Variants in TNIP3 observed in about 807,000 individuals in gnomAD.
TNIP3 encodes TNFAIP3 interacting protein 3.
A neutral mutation model predicts 54.1 loss-of-function variants in TNIP3; 34 were observed. The observed-to-expected ratio is 0.63, with a 90% CI of 0.48 to 0.84. The LOEUF is 0.84. Ranked by LOEUF, TNIP3 falls within the 40% of genes least tolerant of loss-of-function variation. The probability of loss-of-function intolerance (pLI) is 0.00; values close to 1 mark genes in which losing one functional copy is unlikely to be tolerated. For missense variants in TNIP3, 366 were observed against 387.6 expected (o/e 0.94, Z 0.47); for synonymous variants, 134 against 136.8 (o/e 0.98, Z 0.14).
chr4:121,193,097 G>A (rs1483093938), intron 2 of TNIP3, among the ~76,000 whole-genome samples: 4 of 152,040 alleles, frequency 2.6e-5, no homozygotes, highest in African/African-American at 7.2e-5. Context: ...AGAATGTTTC[G>A]TATCATCTCT....
chr4:121,201,787 C>T (rs1360531453), intron 2 of TNIP3, among the ~76,000 whole-genome samples: 2 of 152,196 alleles, frequency 1.3e-5, no homozygotes, highest in African/African-American at 4.8e-5. Context: ...TGTATCAGTA[C>T]ATGAGGATCA....
chr4:121,182,824 A>T, intron 2 of TNIP3: 2 of 1,533,458 alleles, frequency 1.3e-6, no homozygotes, highest in Non-Finnish European at 8.7e-7. Flanking sequence ...GGAAAGTTAC[A>T]TTATACAAAG....
At chr4:121,215,390 A>G (rs1236520932) in intron 2 of TNIP3, among the ~76,000 whole-genome samples, 1 of 152,208 alleles carries the variant, frequency 6.6e-6, no homozygotes. Flanking sequence ...TTTTGTCTTT[A>G]TAAACAGAAA....
At chr4:121,146,560 A>G (rs774039050) in intron 7 of TNIP3, among the ~76,000 whole-genome samples, 1 of 152,152 alleles carries the variant, frequency 6.6e-6, no homozygotes, top group Non-Finnish European at 1.5e-5. Flanking sequence ...ACTGGTGACC[A>G]TTATCTGGCT....
At chr4:121,225,165 G>T (rs1012237568) in intron 1 of TNIP3, among the ~76,000 whole-genome samples, 5 of 152,168 alleles carry the variant, frequency 3.3e-5, no homozygotes, top group Admixed American at 1.3e-4. Flanking sequence ...GGCAGAGAAT[G>T]ACTAATTTTT....
chr4:121,141,630 T>A (rs13138203), intron 9 of TNIP3, among the ~76,000 whole-genome samples, 186 bp downstream of exon 9: 37,203 of 152,096 alleles, frequency 0.24, 4,890 homozygotes, highest in African/African-American at 0.33. Context: ...TATCTATGTG[T>A]CCTATGGATT....
chr4:121,209,478 T>C lies in TNIP3; in HGVS notation c.68+6937A>G, dbSNP rs187632407. Among the ~76,000 whole-genome samples, 442 of 152,214 alleles carry C rather than the reference T, an allele frequency of 2.9e-3. 3 individuals are homozygous for C. The highest frequency in any genetic ancestry group is 0.01 in the African/African-American group (418 of 41,532). The stretch of plus-strand genomic sequence containing the variant: ...TGGACACATAGTTGGCATGGAGAGT[T>C]GTGGGAAAAAAACTACGCATTTGTG... On this transcript the variant is annotated intron_variant, in intron 2 of 12. Transcript: ENST00000507879.
chr4:121,152,110 T>C (rs2148807355), intron 5 of TNIP3, among the ~76,000 whole-genome samples: 1 of 152,300 alleles, frequency 6.6e-6, no homozygotes, highest in Non-Finnish European at 1.5e-5. Flanking sequence ...AGTATGTTAA[T>C]TACAAGGCTG....
chr4:121,159,191 C>T (rs764287993), intron 2 of TNIP3, among the ~76,000 whole-genome samples: 11 of 151,438 alleles, frequency 7.3e-5, no homozygotes, highest in Non-Finnish European at 1.2e-4. Context: ...TGCAGTGAGC[C>T]GAGATTGTGC....
intron 10 of TNIP3, among the ~76,000 whole-genome samples, chr4:121,134,771 A>C (rs187855082): frequency 6.6e-6 from 1 of 152,142 alleles, no homozygotes; most frequent in Non-Finnish European, 1.5e-5. Flanking sequence ...CCCTTCACTG[A>C]TGTCCCCATC....
chr4:121,168,342 G>T (rs180992694), upstream of TNIP3, among the ~76,000 whole-genome samples: 5 of 151,494 alleles, frequency 3.3e-5, no homozygotes, highest in East Asian at 9.9e-4. Context: ...AAGTAGCAGG[G>T]ATTACAGGCA....
intron 10 of TNIP3, among the ~76,000 whole-genome samples, chr4:121,134,219 C>T (rs1024705308): frequency 6.6e-6 from 1 of 152,106 alleles, no homozygotes; most frequent in Admixed American, 6.6e-5. Context: ...ATTAATAATC[C>T]ATCTCTGGCT....
At chr4:121,143,072 A>G (rs1729217656) in intron 7 of TNIP3, among the ~76,000 whole-genome samples, 2 of 152,262 alleles carry the variant, frequency 1.3e-5, no homozygotes. Context: ...TGACATTGGA[A>G]TTGTCAACCT....
At chr4:121,203,244 G>GATAGATAA (rs1332573522) in intron 2 of TNIP3, among the ~76,000 whole-genome samples, 2 of 151,826 alleles carry the variant, frequency 1.3e-5, no homozygotes, top group Non-Finnish European at 2.9e-5. Flanking sequence ...TAGATAGATA[G>GATAGATAA]ATAGATAGAT....
rs531771572 is a variant in TNIP3, at chr4:121,138,566, C to G, written c.946+58G>C. The G allele has an allele frequency of 7.3e-6, 11 of 1,506,726 alleles. No homozygotes were observed. The South Asian group carries it at 9.1e-5, about 12-fold the overall frequency. The allele number at this position is 1,506,726 out of a possible 1,614,324, so 93.3% of individuals were successfully genotyped here. A position where few individuals can be genotyped will look rare whatever the true frequency, so the allele number is the denominator to read the frequency against. On this transcript the variant is annotated intron_variant, in intron 10 of 10. Coordinates refer to ENST00000057513, the MANE Select transcript of TNIP3 (RefSeq NM_024873.6). Reference sequence around the variant, plus strand: ...TGAATGTATGTTGAGTAAACATCCCCAAAAGATCCCATTAAGATGTAAACA... The same window carrying G: ...TGAATGTATGTTGAGTAAACATCCCGAAAAGATCCCATTAAGATGTAAACA...
intron 1 of TNIP3, among the ~76,000 whole-genome samples, chr4:121,224,605 A>ATTG (rs1727182452): frequency 1.3e-5 from 2 of 151,986 alleles, no homozygotes; most frequent in African/African-American, 4.8e-5. Context: ...GTTTTCACCC[A>ATTG]TATTTAGGCA....
chr4:121,158,821 A>G (rs1024629816), intron 2 of TNIP3, 69 bp from the exon 3 acceptor site: 1 of 1,286,444 alleles, frequency 7.8e-7, no homozygotes, highest in African/African-American at 1.5e-5. Context: ...TCAAAAAGAA[A>G]TTACTTTCTG....
At chr4:121,216,669 A>G, upstream of TNIP3, 4 of 1,406,162 alleles carry the variant, frequency 2.8e-6, no homozygotes, top group South Asian at 4.6e-5. Context: ...AAGACAGACC[A>G]CAAGCCTGCC....
At chr4:121,216,689 G>A (rs1726808501), upstream of TNIP3, 1 of 1,341,918 alleles carries the variant, frequency 7.5e-7, no homozygotes, top group Admixed American at 3.0e-5. Flanking sequence ...CTTCTGCCTA[G>A]TTTCAATGAA....
Sources: allele counts gnomAD v4.1 joint callset (sites outside exome capture counted in the v4.1 genomes callset), GRCh38; gene constraint gnomAD v4.1.1; transcripts MANE v1.5; gene names NCBI Gene and HGNC (gene_info 2026-07-23, HGNC 2026-07-21).